The following SCN11A variants were observed in gnomAD, a reference collection of about 807,000 sequenced individuals.
SCN11A encodes the protein sodium voltage-gated channel alpha subunit 11, also known as sodium channel protein type 11 subunit alpha.
Under a neutral mutation model 162.2 loss-of-function variants are expected in SCN11A, and 122 were observed. That is an observed-to-expected ratio of 0.75 (90% CI 0.65 to 0.87). The LOEUF is 0.87. Among genes scored for constraint, SCN11A ranks in the 40% least tolerant of loss-of-function variants. SCN11A has a pLI of 0.00. For synonymous variants in SCN11A, 758 were observed against 751.5 expected, an observed-to-expected ratio of 1.01 and a Z score of -0.14; for missense variants, 2,015 against 2,181.6, an observed-to-expected ratio of 0.92 and a Z score of 1.52.
chr3:38,974,709 AAAAAGAAAAG>A (rs770656526), intron 2 of SCN11A, among the ~76,000 whole-genome samples: 10 of 130,374 alleles, frequency 7.7e-5, no homozygotes, highest in South Asian at 2.4e-4. Context: ...AAAAAAAAAA[AAAAAGAAAAG>A]AAAAGAAAAG....
chr3:38,913,811 A>C (rs2065919495), intron 11 of SCN11A, among the ~76,000 whole-genome samples: 1 of 152,070 alleles, frequency 6.6e-6, no homozygotes, highest in South Asian at 2.1e-4. Flanking sequence ...GTAGGTGTGC[A>C]GCCTTATTTC....
intron 3 of SCN11A, among the ~76,000 whole-genome samples, chr3:38,958,353 C>T (rs2066707018): frequency 1.3e-5 from 2 of 152,202 alleles, no homozygotes; most frequent in African/African-American, 2.4e-5. Flanking sequence ...CTACAGGGCT[C>T]GCACCTCCCT....
At chr3:39,046,944 T>G (rs1200021212) in intron 1 of SCN11A, among the ~76,000 whole-genome samples, 1 of 151,440 alleles carries the variant, frequency 6.6e-6, no homozygotes, top group Non-Finnish European at 1.5e-5. Flanking sequence ...TGGTCTTGAA[T>G]TCCTGGGCTC....
At chr3:38,966,593 T>G (rs1575340561) in intron 2 of SCN11A, among the ~76,000 whole-genome samples, 1 of 152,380 alleles carries the variant, frequency 6.6e-6, no homozygotes, top group Non-Finnish European at 1.5e-5. Context: ...ATTTATTATT[T>G]GTATGTGTTG....
intron 2 of SCN11A, among the ~76,000 whole-genome samples, chr3:38,964,028 A>G (rs2066764924): frequency 6.6e-6 from 1 of 152,232 alleles, no homozygotes; most frequent in Non-Finnish European, 1.5e-5. Context: ...AAAGAATAAT[A>G]CACACACAGG....
chr3:38,871,693 G>A lies in SCN11A; in HGVS notation c.3511C>T (p.Leu1171Phe). ...AGAATGGCAGGTATGGCACCTATGA[G>A]AGCATTGACCACCACCTTATGGAAA... The part of the protein sequence containing the change: ...FEGMKVVVNA[L>F]IGAIPAILNV... The change falls in exon 25 of 30, where the codon CTC becomes TTC. Residue 1171 changes from leucine (L) to phenylalanine (F), a missense_variant. Coordinates refer to ENST00000302328, the MANE Select transcript of SCN11A (RefSeq NM_001349253.2). 1 of 1,605,732 alleles carries A rather than the reference G, an allele frequency of 6.2e-7. No individual in the cohort carries two copies. The highest frequency in any genetic ancestry group is 8.5e-7 in the Non-Finnish European group (1 of 1,177,020).
chr3:38,946,172 A>T (rs558224038), intron 6 of SCN11A, among the ~76,000 whole-genome samples: 1 of 152,168 alleles, frequency 6.6e-6, no homozygotes, highest in Non-Finnish European at 1.5e-5. Context: ...AGGCATATAA[A>T]TGGGTAAAAT....
At chr3:38,941,835 A>C (rs1042837751) in intron 7 of SCN11A, among the ~76,000 whole-genome samples, 1 of 152,126 alleles carries the variant, frequency 6.6e-6, no homozygotes, top group Non-Finnish European at 1.5e-5. Context: ...CCAATAGAAA[A>C]ATAGCAAAGC....
chr3:39,020,021 A>G (rs6599000), intron 2 of SCN11A, among the ~76,000 whole-genome samples: 72,930 of 152,042 alleles, frequency 0.48, 21,372 homozygotes, highest in African/African-American at 0.84. Flanking sequence ...CAGAAGGCTG[A>G]GGTTTACATC....
At chr3:38,877,096 A>G (rs62244139) in intron 23 of SCN11A, among the ~76,000 whole-genome samples, 554 of 35,878 alleles carry the variant, frequency 0.015, 5 homozygotes, top group African/African-American at 0.045. Context: ...TATATATGGT[A>G]TATATATGGT....
chr3:38,905,421 T>A, intron 14 of SCN11A, 100 bp from the exon 15 acceptor site: 1 of 1,386,126 alleles, frequency 7.2e-7, no homozygotes, highest in Non-Finnish European at 9.8e-7. Context: ...ATGAAAGTGC[T>A]CAACATTTTC....
chr3:38,930,908 G>A (rs1356047178), intron 7 of SCN11A, among the ~76,000 whole-genome samples: 1 of 152,130 alleles, frequency 6.6e-6, no homozygotes. Flanking sequence ...CCTGCCTTAT[G>A]GGTATTTTAA....
At chr3:38,861,892 A>T (rs1034673267) in intron 28 of SCN11A, among the ~76,000 whole-genome samples, 1 of 152,166 alleles carries the variant, frequency 6.6e-6, no homozygotes, top group African/African-American at 2.4e-5. Context: ...AATAAATGAG[A>T]CCTAATTAAA....
At chr3:39,029,674 A>C (rs758636074) in intron 2 of SCN11A, among the ~76,000 whole-genome samples, 6 of 152,248 alleles carry the variant, frequency 3.9e-5, no homozygotes, top group Non-Finnish European at 8.8e-5. Context: ...CTTCTCATTC[A>C]TAGCAGTTCA....
At position 38,933,355 on chromosome 3, in the gene SCN11A, C is replaced by T. The variant is rs147592514; in HGVS notation, c.489-6424G>A. Among the ~76,000 whole-genome samples, 181 of 152,270 alleles carry T rather than the reference C, an allele frequency of 1.2e-3. 2 individuals are homozygous for T. In the East Asian group the frequency reaches 0.027, roughly 23 times the overall value. ...AAGGAACGCAGCTCCTCACCAGCAA[C>T]GGAACAAAGCAGGACGGAGAATGAC... On this transcript the variant is annotated intron_variant, in intron 7 of 29. Transcript: ENST00000302328.
At chr3:39,002,162 A>G (rs546088018) in intron 2 of SCN11A, among the ~76,000 whole-genome samples, 1 of 152,362 alleles carries the variant, frequency 6.6e-6, no homozygotes, top group South Asian at 2.1e-4. Context: ...CCATTCAGCT[A>G]TACATCTATC....
At chr3:38,993,874 C>T (rs2030530050) in intron 2 of SCN11A, among the ~76,000 whole-genome samples, 1 of 152,312 alleles carries the variant, frequency 6.6e-6, no homozygotes, top group South Asian at 2.1e-4. Flanking sequence ...GCAATTAACA[C>T]CACTGGGGGC....
At chr3:39,037,691 C>T (rs1249709164) in intron 1 of SCN11A, among the ~76,000 whole-genome samples, 1 of 151,994 alleles carries the variant, frequency 6.6e-6, no homozygotes, top group South Asian at 2.1e-4. Context: ...CAAACACTAT[C>T]CCATTTTATA....
At chr3:38,918,881 G>C (rs1296092671) in intron 11 of SCN11A, among the ~76,000 whole-genome samples, 1 of 152,118 alleles carries the variant, frequency 6.6e-6, no homozygotes, top group Non-Finnish European at 1.5e-5. Context: ...CTCAACAGCA[G>C]GAATACATTC....
Sources: gnomAD v4.1 joint callset for allele counts (sites outside exome capture counted in the v4.1 genomes callset) on GRCh38, gnomAD v4.1.1 for gene constraint, MANE v1.5 for transcripts, NCBI Gene and HGNC (gene_info 2026-07-23, HGNC 2026-07-21) for gene names.